Variants in SYT16 observed in about 807,000 individuals in gnomAD.
SYT16 encodes synaptotagmin-16.
Under a neutral mutation model 61.4 loss-of-function variants are expected in SYT16, and 42 were observed. That is an observed-to-expected ratio of 0.68 (90% confidence interval 0.53 to 0.89). The LOEUF (loss-of-function observed/expected upper bound fraction) is 0.89. Among genes scored for constraint, SYT16 ranks in the 40% least tolerant of loss-of-function variants. SYT16 has a pLI of 0.00. For missense variants in SYT16, 804 were observed against 807.3 expected (o/e 1.00, Z 0.05); for synonymous variants, 314 against 302.3 (o/e 1.04, Z -0.40).
rs531066344 is a variant in SYT16, at chr14:61,874,436, A to G, written c.-325+61626A>G. Among the ~76,000 whole-genome samples the G allele has an allele frequency of 4.6e-5, 7 of 152,264 alleles. 1 individual carries two copies. The South Asian group carries it at 1.5e-3, about 32-fold the overall frequency. ...CTTGAGTGTATGTGGATTTTTTTAT[A>G]TGAGGGGGTGATGGTTCCTAGAACA... On this transcript the variant is annotated intron_variant, in intron 1 of 7. Transcript: ENST00000683842.
chr14:61,912,698 G>C (rs924456251), intron 1 of SYT16, among the ~76,000 whole-genome samples: 1 of 152,128 alleles, frequency 6.6e-6, no homozygotes, highest in African/African-American at 2.4e-5. Context: ...TTGACTCCTG[G>C]AAGTACTTAA....
chr14:62,027,883 G>A (rs556794958), intron 3 of SYT16, among the ~76,000 whole-genome samples: 2 of 152,132 alleles, frequency 1.3e-5, no homozygotes, highest in African/African-American at 2.4e-5. Flanking sequence ...TTTTGTGCAG[G>A]CGGTGTATTT....
chr14:61,929,352 A>C (rs1566688608), intron 1 of SYT16, among the ~76,000 whole-genome samples: 2 of 152,186 alleles, frequency 1.3e-5, no homozygotes. Context: ...TCACACAGAG[A>C]GATGGACAGG....
In SYT16 at chr14:62,109,119, C is replaced by A. The variant is rs2141039922; in HGVS notation, c.*8412C>A. On this transcript the variant is annotated 3_prime_UTR_variant, in exon 8 of 8. Coordinates refer to ENST00000683842, the MANE Select transcript of SYT16 (RefSeq NM_001367656.1). Reference sequence around the variant, plus strand: ...TTGACCAATGCACAATGACGTGTGTCCACTATTGTAGTATCATACAGAAGA... The same window carrying A: ...TTGACCAATGCACAATGACGTGTGTACACTATTGTAGTATCATACAGAAGA... 1 of 152,214 alleles carries A rather than the reference C, an allele frequency of 6.6e-6. No homozygotes were observed. The highest frequency in any genetic ancestry group is 1.9e-4 in the East Asian group (1 of 5,182). 9.4% of individuals were successfully genotyped at this position (152,214 alleles called of 1,614,324 possible).
At chr14:61,987,204 G>T (rs2052353122) in intron 2 of SYT16, among the ~76,000 whole-genome samples, 1 of 152,098 alleles carries the variant, frequency 6.6e-6, no homozygotes, top group Non-Finnish European at 1.5e-5. Context: ...GAAGGGAGAA[G>T]AGCTTTCTTA....
chr14:61,980,395 T>C (rs927361298), intron 2 of SYT16, among the ~76,000 whole-genome samples: 31 of 152,302 alleles, frequency 2.0e-4, no homozygotes, highest in African/African-American at 6.7e-4. Context: ...AGCCTTGATA[T>C]ATCTCATGGC....
chr14:61,856,719 G>A (rs1315888828), intron 1 of SYT16, among the ~76,000 whole-genome samples: 2 of 152,166 alleles, frequency 1.3e-5, no homozygotes, highest in Admixed American at 6.5e-5. Context: ...GGAGATCAAA[G>A]GAAAGATCTG....
At chr14:61,829,674 A>ATTT (rs1241926504) in intron 1 of SYT16, among the ~76,000 whole-genome samples, 3 of 142,064 alleles carry the variant, frequency 2.1e-5, no homozygotes, top group Non-Finnish European at 3.1e-5. Context: ...TTTTTTTTTG[A>ATTT]GACGGAGTCT....
intron 3 of SYT16, among the ~76,000 whole-genome samples, chr14:61,996,873 T>C (rs2140634658): frequency 6.6e-6 from 1 of 152,184 alleles, no homozygotes; most frequent in East Asian, 1.9e-4. Flanking sequence ...TTTTTTCTTC[T>C]AGGTTAGGAA....
chr14:61,995,088 TTG>T (rs2052710556), intron 2 of SYT16, among the ~76,000 whole-genome samples: 1 of 152,154 alleles, frequency 6.6e-6, no homozygotes, highest in Non-Finnish European at 1.5e-5. Flanking sequence ...TATGTATACA[TTG>T]TATGCACATA....
chr14:62,055,548 T>C (rs1262239542), intron 3 of SYT16, among the ~76,000 whole-genome samples: 8 of 152,202 alleles, frequency 5.3e-5, no homozygotes, highest in African/African-American at 1.9e-4. Context: ...ACCCTACCTG[T>C]CAGTACTTTC....
At chr14:61,880,440 C>T (rs1016296851) in intron 1 of SYT16, among the ~76,000 whole-genome samples, 2 of 152,124 alleles carry the variant, frequency 1.3e-5, no homozygotes, top group Admixed American at 1.3e-4. Flanking sequence ...AGATGTGAAT[C>T]AGCTTTTTTT....
At chr14:62,026,126 G>T (rs1294610007) in intron 3 of SYT16, among the ~76,000 whole-genome samples, 1 of 152,206 alleles carries the variant, frequency 6.6e-6, no homozygotes, top group East Asian at 1.9e-4. Flanking sequence ...GTTTGGAGTA[G>T]CTCTTTGTCC....
chr14:62,002,798 A>T (rs918481053), intron 3 of SYT16, among the ~76,000 whole-genome samples: 1 of 152,108 alleles, frequency 6.6e-6, no homozygotes, highest in Non-Finnish European at 1.5e-5. Context: ...GAGCTGCCTG[A>T]GACTGGGTAA....
At chr14:61,920,763 T>C (rs929757534) in intron 1 of SYT16, among the ~76,000 whole-genome samples, 1 of 152,244 alleles carries the variant, frequency 6.6e-6, no homozygotes, top group Admixed American at 6.5e-5. Context: ...TTACTGGATG[T>C]GTCAGACTCT....
intron 1 of SYT16, among the ~76,000 whole-genome samples, chr14:61,918,354 A>G (rs1279469011): frequency 1.3e-5 from 2 of 152,298 alleles, no homozygotes; most frequent in African/African-American, 2.4e-5. Context: ...CCATGGGGCT[A>G]GGAGCCATAA....
chr14:61,942,555 C>T (rs1044050691), intron 1 of SYT16, among the ~76,000 whole-genome samples: 1 of 152,138 alleles, frequency 6.6e-6, no homozygotes, highest in African/African-American at 2.4e-5. Context: ...TTTTTCGACT[C>T]ACAGTGGGAT....
At chr14:61,950,934 G>A (rs1000343681) in intron 1 of SYT16, among the ~76,000 whole-genome samples, 1 of 152,186 alleles carries the variant, frequency 6.6e-6, no homozygotes, top group African/African-American at 2.4e-5. Context: ...CTTCCCCATA[G>A]GAAGAGGTTC....
At chr14:62,023,214 G>A (rs943912134) in intron 3 of SYT16, among the ~76,000 whole-genome samples, 2 of 152,084 alleles carry the variant, frequency 1.3e-5, no homozygotes, top group East Asian at 3.9e-4. Context: ...ACACTTTCAA[G>A]GGCTTATTTT....
Sources: allele counts gnomAD v4.1 joint callset (sites outside exome capture counted in the v4.1 genomes callset), GRCh38; gene constraint gnomAD v4.1.1; transcripts MANE v1.5; gene names NCBI Gene and HGNC (gene_info 2026-07-23, HGNC 2026-07-21).